The following PRIM2 variants were observed in gnomAD, a reference collection of about 807,000 sequenced individuals.
The protein encoded by PRIM2 is DNA primase subunit 2, also known as DNA primase large subunit.
PRIM2 carries 39 observed loss-of-function variants against 67.3 expected under a neutral mutation model. That is an observed-to-expected ratio of 0.58 (90% CI 0.45 to 0.76). The LOEUF (loss-of-function observed/expected upper bound fraction) is 0.76, where lower values mean the gene tolerates loss of function less well. Among genes scored for constraint, PRIM2 ranks in the 30% least tolerant of loss-of-function variants. PRIM2 has a pLI of 0.00. For missense variants in PRIM2, 398 were observed against 598.7 expected, an observed-to-expected ratio of 0.66 and a Z score of 3.50; for synonymous variants, 143 against 198.7, an observed-to-expected ratio of 0.72 and a Z score of 2.36.
intron 7 of PRIM2, among the ~76,000 whole-genome samples, chr6:57,473,193 A>G (rs1773378649): frequency 6.6e-6 from 1 of 152,204 alleles, no homozygotes; most frequent in African/African-American, 2.4e-5. Flanking sequence ...AGAACTTCTC[A>G]GTTGGCTTTA....
chr6:57,574,644 T>C (rs1775929987), intron 10 of PRIM2, among the ~76,000 whole-genome samples: 1 of 151,176 alleles, frequency 6.6e-6, no homozygotes, highest in Admixed American at 6.6e-5. Context: ...GTGCCTGTAA[T>C]GCACTAGCCA....
At chr6:57,489,511 C>CAA (rs1773835586) in intron 7 of PRIM2, among the ~76,000 whole-genome samples, 1 of 152,218 alleles carries the variant, frequency 6.6e-6, no homozygotes, top group African/African-American at 2.4e-5. Context: ...GAGCCGAGAT[C>CAA]GTTCCACTGC....
At chr6:57,389,852 CAT>C (rs1236982334) in intron 7 of PRIM2, among the ~76,000 whole-genome samples, 3 of 152,056 alleles carry the variant, frequency 2.0e-5, no homozygotes, top group South Asian at 2.1e-4. Context: ...AGTTGGGAAT[CAT>C]ATAGGAGTTT....
intron 7 of PRIM2, among the ~76,000 whole-genome samples, chr6:57,423,812 T>G (rs1771537523): frequency 6.6e-6 from 1 of 152,224 alleles, no homozygotes; most frequent in South Asian, 2.1e-4. Flanking sequence ...GTACATTGTT[T>G]CAGTAACTGA....
intron 7 of PRIM2, among the ~76,000 whole-genome samples, chr6:57,423,588 A>G (rs982130137): frequency 1.3e-5 from 2 of 152,180 alleles, no homozygotes; most frequent in African/African-American, 4.8e-5. Flanking sequence ...AGTAGTTGCT[A>G]GGTAATAGGG....
At chr6:57,444,589 G>A (rs1190173532) in intron 7 of PRIM2, among the ~76,000 whole-genome samples, 3 of 151,432 alleles carry the variant, frequency 2.0e-5, no homozygotes, top group African/African-American at 4.9e-5. Flanking sequence ...AAAAATTATG[G>A]TATTATAATG....
chr6:57,530,548 GCTT>G (rs1335997005), intron 8 of PRIM2, among the ~76,000 whole-genome samples: 6 of 152,134 alleles, frequency 3.9e-5, no homozygotes, highest in Non-Finnish European at 7.4e-5. Flanking sequence ...TCCTGAATCT[GCTT>G]CTTCTTAAAT....
intron 7 of PRIM2, among the ~76,000 whole-genome samples, chr6:57,491,975 C>G (rs1773902246): frequency 6.6e-6 from 1 of 152,150 alleles, no homozygotes; most frequent in Non-Finnish European, 1.5e-5. Flanking sequence ...ATTTATTTCC[C>G]CTACTGCGCA....
chr6:57,386,197 G>A (rs989109452), intron 7 of PRIM2, among the ~76,000 whole-genome samples: 6 of 151,316 alleles, frequency 4.0e-5, no homozygotes, highest in Admixed American at 6.6e-5. Context: ...ACCAGCCTGG[G>A]CAACATAGTG....
chr6:57,230,241 C>T, the PRIM2 span, among the ~76,000 whole-genome samples: 5,376 of 152,278 alleles, frequency 0.035, 135 homozygotes, highest in Non-Finnish European at 0.054. Context: ...TTTTCTAGCT[C>T]CCTTTTCACT....
intron 7 of PRIM2, among the ~76,000 whole-genome samples, chr6:57,407,223 G>T (rs1770921479): frequency 6.6e-6 from 1 of 152,070 alleles, no homozygotes. Flanking sequence ...GATTTTGGCG[G>T]GGCAACTATA....
At chr6:57,531,810 G>A (rs1279237503) in intron 8 of PRIM2, among the ~76,000 whole-genome samples, 47 of 152,178 alleles carry the variant, frequency 3.1e-4, no homozygotes, top group Admixed American at 2.5e-3. Context: ...CTCTTTCAGG[G>A]GGTTGCAAGG....
intron 7 of PRIM2, among the ~76,000 whole-genome samples, chr6:57,433,920 C>T (rs1771921090): frequency 7.3e-6 from 1 of 136,748 alleles, no homozygotes; most frequent in Admixed American, 8.4e-5. Flanking sequence ...CTTCTCTGTT[C>T]CCTGTTTTTT....
At chr6:57,239,702 C>T in the PRIM2 span, among the ~76,000 whole-genome samples, 13 of 152,226 alleles carry the variant, frequency 8.5e-5, no homozygotes, top group East Asian at 1.2e-3. Flanking sequence ...GCCAAGATTG[C>T]GCCACTTCAC....
At chr6:57,465,196 C>T (rs1282530875) in intron 7 of PRIM2, among the ~76,000 whole-genome samples, 1 of 152,170 alleles carries the variant, frequency 6.6e-6, no homozygotes, top group Non-Finnish European at 1.5e-5. Flanking sequence ...TCCCTTCTCC[C>T]TTCCGTGAAG....
chr6:57,294,137 T>C, the PRIM2 span, among the ~76,000 whole-genome samples: 18 of 152,282 alleles, frequency 1.2e-4, no homozygotes, highest in African/African-American at 4.3e-4. Context: ...TTTATTGATA[T>C]TGCAGGAGGT....
chr6:57,377,070 A>C (rs1218650879), intron 5 of PRIM2, among the ~76,000 whole-genome samples: 1 of 136,548 alleles, frequency 7.3e-6, no homozygotes, highest in African/African-American at 2.7e-5. Context: ...TGGTATCTTT[A>C]GTAGAGATGG....
upstream of PRIM2, among the ~76,000 whole-genome samples, chr6:57,312,791 G>A (rs111536751): frequency 4.5e-4 from 69 of 152,118 alleles, no homozygotes; most frequent in African/African-American, 1.6e-3. Context: ...CATAAAGACC[G>A]TCTATATATT....
chr6:57,271,920 C>G, the PRIM2 span, among the ~76,000 whole-genome samples: 1 of 152,198 alleles, frequency 6.6e-6, no homozygotes, highest in Non-Finnish European at 1.5e-5. Flanking sequence ...TGTTCAGTTT[C>G]CACGTAGTTG....
Sources: gnomAD v4.1 joint callset for allele counts (sites outside exome capture counted in the v4.1 genomes callset) on GRCh38, gnomAD v4.1.1 for gene constraint, MANE v1.5 for transcripts, NCBI Gene and HGNC (gene_info 2026-07-23, HGNC 2026-07-21) for gene names.